The following ANKRD13A variants were observed in gnomAD, a reference collection of about 807,000 sequenced individuals.
ANKRD13A encodes ankyrin repeat domain 13A.
A neutral mutation model predicts 81.3 loss-of-function variants in ANKRD13A; 48 were observed. The observed-to-expected ratio is 0.59, with a 90% confidence interval of 0.47 to 0.75. The LOEUF (loss-of-function observed/expected upper bound fraction) is 0.75. Ranked by LOEUF, ANKRD13A falls within the 30% of genes least tolerant of loss-of-function variation. ANKRD13A has a pLI of 0.00. For synonymous variants in ANKRD13A, 230 were observed against 270.1 expected (o/e 0.85, Z 1.45); for missense variants, 612 against 734.0 (o/e 0.83, Z 1.92).
Position 110,018,555 on chromosome 12 carries a change from A to G in ANKRD13A, c.544+67A>G. The stretch of plus-strand genomic sequence containing the variant: ...TACAGGGTGATTTTTAACCAAGAAA[A>G]TGCTTTCACATTCATGTGACTTTTC... On this transcript the variant is annotated intron_variant, in intron 5 of 14. Coordinates refer to ENST00000261739, the MANE Select transcript of ANKRD13A (RefSeq NM_033121.2). The surrounding 1 kb of genome is among the most constrained non-coding windows in gnomAD (Gnocchi z 4.4). 1.3e-6 allele frequency: 2 copies of G among 1,556,112 alleles called. No homozygotes were observed. Among genetic ancestry groups the G allele is most frequent in the Non-Finnish European group, 1.8e-6 (2 of 1,139,266 alleles).
intron 1 of ANKRD13A, among the ~76,000 whole-genome samples, chr12:110,002,703 G>C (rs1890042442): frequency 6.6e-6 from 1 of 152,172 alleles, no homozygotes; most frequent in Non-Finnish European, 1.5e-5. Context: ...GTGAGTTTCT[G>C]CTGTCAGTTT....
At position 110,037,417 on chromosome 12, in the gene ANKRD13A, G is replaced by A. The variant is rs761738913; in HGVS notation, c.1636G>A (p.Glu546Lys). The A allele has an allele frequency of 1.4e-5, 22 of 1,614,054 alleles. No individual in the cohort carries two copies. The highest frequency in any genetic ancestry group is 2.7e-5 in the African/African-American group (2 of 74,926). ...AGGCCTGTGCCCCAGCGCCCTGAGC[G>A]AGACAAGCCGTTTTGATAATGACTT... The part of the protein sequence containing the change: ...TEGLCPSALS[E>K]TSRFDNDLQL... Residue 546 changes from glutamate (E) to lysine (K), a missense_variant, in exon 15 of 15, where the codon GAG becomes AAG. Transcript: ENST00000261739.
At chr12:110,029,403 C>T in intron 10 of ANKRD13A, 75 bp from the exon 11 acceptor site, 1 of 1,512,406 alleles carries the variant, frequency 6.6e-7, no homozygotes, top group Non-Finnish European at 9.1e-7. Context: ...TGTTGTCTAG[C>T]CTACTGCATA....
intron 10 of ANKRD13A, 126 bp downstream of exon 10, chr12:110,028,768 C>T: frequency 6.8e-6 from 9 of 1,328,078 alleles, no homozygotes; most frequent in East Asian, 2.6e-5. Flanking sequence ...GACGGAGTCT[C>T]GCTCTGTCGC....
intron 1 of ANKRD13A, among the ~76,000 whole-genome samples, chr12:110,001,982 G>A (rs1320489926): frequency 6.7e-6 from 1 of 149,838 alleles, no homozygotes; most frequent in Admixed American, 6.7e-5. Flanking sequence ...TACTTCTTTT[G>A]GTGCCCAGGC....
intron 1 of ANKRD13A, among the ~76,000 whole-genome samples, chr12:110,006,602 CTT>C (rs201846270): frequency 6.8e-6 from 1 of 146,570 alleles, no homozygotes; most frequent in Non-Finnish European, 1.5e-5. Context: ...CATGGGTTGT[CTT>C]TTTTTTTTTG....
chr12:110,034,547 C>G (rs901152783), intron 13 of ANKRD13A, among the ~76,000 whole-genome samples: 4 of 152,164 alleles, frequency 2.6e-5, no homozygotes, highest in Admixed American at 2.6e-4. Flanking sequence ...AGAGATCCTC[C>G]CACCTCAGCC....
rs1889850426 is a variant in ANKRD13A, at chr12:109,999,783, A to G, written c.95A>G (p.Gln32Arg). Residue 32 changes from glutamine to arginine, a missense_variant and splice_region_variant, in exon 1 of 15, where the codon CAG becomes CGG. Transcript: ENST00000261739. This position sits in a 1 kb window ranked among gnomAD's most constrained non-coding sequence, Gnocchi z 4.3. Reference protein sequence around the residue: ...YRQLEKELQGQNVEAVDPRGR... With the variant: ...YRQLEKELQGRNVEAVDPRGR... ...CAGCTCGAGAAGGAGCTGCAGGGCC[A>G]GGTGAGGGGCGGGGCGGGGGTCCGT... is the stretch of plus-strand genomic sequence containing the variant. 6.6e-7 allele frequency: 1 copy of G among 1,526,696 alleles called. No homozygotes were observed. The highest frequency in any genetic ancestry group is 1.2e-5 in the South Asian group (1 of 82,062). The allele number at this position is 1,526,696 out of a possible 1,614,324, so 94.6% of individuals were successfully genotyped here. A position where few individuals can be genotyped will look rare whatever the true frequency, so the allele number is the denominator to read the frequency against.
chr12:110,033,821 T>C lies in ANKRD13A; in HGVS notation c.1373T>C (p.Val458Ala). 5 of 1,607,976 alleles carry C rather than the reference T, an allele frequency of 3.1e-6. No individual in the cohort carries two copies. In the South Asian group the frequency reaches 3.3e-5, roughly 11 times the overall value. Residue 458 changes from valine (V) to alanine (A), a missense_variant, in exon 13 of 15, where the codon GTT becomes GCT. Transcript: ENST00000261739. ...DSASHITNFE[V>A]DQSVFEIPES... ...GCTTCCCACATCACAAACTTTGAGG[T>C]TGATCAATCTGTGTTTGAAATTCCC...
chr12:109,999,804 T>TA lies in ANKRD13A; in HGVS notation c.96+20_96+21insA. The TA allele has an allele frequency of 6.6e-7, 1 of 1,516,044 alleles. No homozygotes were observed. The highest frequency in any genetic ancestry group is 8.8e-7 in the Non-Finnish European group (1 of 1,130,202). 93.9% of individuals were successfully genotyped at this position (1,516,044 alleles called of 1,614,324 possible). On this transcript the variant is annotated intron_variant, in intron 1 of 14. Transcript: ENST00000261739. The surrounding 1 kb of genome is among the most constrained non-coding windows in gnomAD (Gnocchi z 4.3). Reference sequence around the variant, plus strand: ...GGCCAGGTGAGGGGCGGGGCGGGGGTCCGTCTCCCGGTGGGGACTTCGGGG... The same window carrying TA: ...GGCCAGGTGAGGGGCGGGGCGGGGGTACCGTCTCCCGGTGGGGACTTCGGGG...
intron 6 of ANKRD13A, chr12:110,022,042 A>G (rs1218990870): frequency 6.6e-6 from 1 of 152,142 alleles, no homozygotes; most frequent in Non-Finnish European, 1.5e-5. Context: ...CAGGTGTTCT[A>G]TCATCTTCGG....
intron 8 of ANKRD13A, among the ~76,000 whole-genome samples, chr12:110,026,128 AT>A (rs1245258681): frequency 2.0e-5 from 3 of 151,612 alleles, no homozygotes; most frequent in Non-Finnish European, 2.9e-5. Context: ...CGCCCGGCTA[AT>A]TTTTTGTATT....
In ANKRD13A at chr12:110,039,390, A is replaced by T. The variant is rs1429303669; in HGVS notation, c.*1836A>T. 1.3e-5 allele frequency: 2 copies of T among 152,194 alleles called. No individual in the cohort carries two copies. The highest frequency in any genetic ancestry group is 2.9e-5 in the Non-Finnish European group (2 of 68,028). The allele number at this position is 152,194 out of a possible 1,614,324, so 9.4% of individuals were successfully genotyped here. A position where few individuals can be genotyped will look rare whatever the true frequency, so the allele number is the denominator to read the frequency against. ...TTTTCATATATGTGTTCACTCTAAA[A>T]ATGCAAATAAAGACTGCTTCCTTAG... On this transcript the variant is annotated 3_prime_UTR_variant, in exon 15 of 15. Coordinates refer to ENST00000261739, the MANE Select transcript of ANKRD13A (RefSeq NM_033121.2).
chr12:110,035,748 C>T (rs1892005866), intron 13 of ANKRD13A, among the ~76,000 whole-genome samples: 3 of 152,070 alleles, frequency 2.0e-5, no homozygotes, highest in Admixed American at 2.0e-4. Context: ...CCATGCCTAG[C>T]CTCTACCAAA....
At chr12:110,010,292 A>C (rs2137097449) in intron 1 of ANKRD13A, among the ~76,000 whole-genome samples, 1 of 152,336 alleles carries the variant, frequency 6.6e-6, no homozygotes, top group South Asian at 2.1e-4. Flanking sequence ...GTAGTATGCT[A>C]AACCTAGCAC....
At chr12:110,019,806 C>CTAT (rs1890985723) in intron 6 of ANKRD13A, among the ~76,000 whole-genome samples, 1 of 152,146 alleles carries the variant, frequency 6.6e-6, no homozygotes, top group Non-Finnish European at 1.5e-5. Context: ...TTTAACCCAC[C>CTAT]TGTGAGGTTT....
intron 2 of ANKRD13A, among the ~76,000 whole-genome samples, chr12:110,012,544 T>C (rs1359774329): frequency 6.6e-6 from 1 of 152,174 alleles, no homozygotes; most frequent in African/African-American, 2.4e-5. Context: ...CGGTAGAGAA[T>C]GACTCCTCAT....
rs1159759569 is a variant in ANKRD13A, at chr12:110,018,533, A to G, written c.544+45A>G. 2 of 1,590,152 alleles carry G rather than the reference A, an allele frequency of 1.3e-6. No individual in the cohort carries two copies. Among genetic ancestry groups the G allele is most frequent in the East Asian group, 2.3e-5 (1 of 44,262 alleles). ...GTAATCACTGCTCAAGCAAAATTAC[A>G]GGGTGATTTTTAACCAAGAAAATGC... On this transcript the variant is annotated intron_variant, in intron 5 of 14. Coordinates refer to ENST00000261739, the MANE Select transcript of ANKRD13A (RefSeq NM_033121.2). This position sits in a 1 kb window ranked among gnomAD's most constrained non-coding sequence, Gnocchi z 4.4.
chr12:110,000,688 A>G (rs983097912), intron 1 of ANKRD13A, among the ~76,000 whole-genome samples: 4 of 151,650 alleles, frequency 2.6e-5, no homozygotes, highest in Non-Finnish European at 4.4e-5. Context: ...CCCCGCAACT[A>G]AGACTTCTCC....
Sources: allele counts gnomAD v4.1 joint callset (sites outside exome capture counted in the v4.1 genomes callset), GRCh38; gene constraint gnomAD v4.1.1; non-coding constraint Gnocchi (gnomAD v3.1); transcripts MANE v1.5; gene names NCBI Gene and HGNC (gene_info 2026-07-23, HGNC 2026-07-21).